Variants in CIP2A observed in about 807,000 individuals in gnomAD.
The protein encoded by CIP2A is cellular inhibitor of PP2A.
Under a neutral mutation model 110.9 loss-of-function variants are expected in CIP2A, and 103 were observed. The ratio of observed to expected loss-of-function variants is 0.93; its 90% CI spans 0.79 to 1.09. CIP2A has a LOEUF of 1.09. CIP2A is among the 50% of genes least tolerant of loss of function. CIP2A has a pLI of 0.00. For synonymous variants in CIP2A, 381 were observed against 361.6 expected (o/e 1.05, Z -0.61); for missense variants, 1,088 against 1,038.4 (o/e 1.05, Z -0.66).
At position 108,575,475 on chromosome 3, in the gene CIP2A, TAC is replaced by T. The variant is rs745963196; in HGVS notation, c.894+794_894+795del. 1.5e-3 allele frequency among the ~76,000 whole-genome samples: 218 copies of T among 149,636 alleles called. 6 individuals carry two copies. The highest frequency in any genetic ancestry group is 7.5e-3 in the Middle Eastern group (2 of 268). ...ATACATGTATACATGTGAGTATATA[TAC>T]ACATATATGCACACATATGTATATA... On this transcript the variant is annotated intron_variant, in intron 8 of 20. Coordinates refer to ENST00000295746, the MANE Select transcript of CIP2A (RefSeq NM_020890.3).
Position 108,557,370 on chromosome 3 carries a change from AT to A in CIP2A, c.2057del (p.Asn686MetfsTer8). On this transcript the variant is annotated frameshift_variant, in exon 17 of 21. Transcript: ENST00000295746. LOFTEE classifies it high-confidence loss of function. ...ASMLREVERK[N>X]EELSVLLKAQ... ...CCTTCAGCAACACACTAAGCTCTTC[AT>A]TTTTTCTCTCAACTTCTCTCAACAT... 1 of 1,607,300 alleles carries A rather than the reference AT, an allele frequency of 6.2e-7. No homozygotes were observed.
rs550644081 is a variant in CIP2A, at chr3:108,589,350, G to A, written c.26C>T (p.Ser9Phe). 9.3e-6 allele frequency: 15 copies of A among 1,613,840 alleles called. No individual in the cohort carries two copies. The highest frequency in any genetic ancestry group is 6.7e-5 in the African/African-American group (5 of 75,066). MDSTACLK[S>F]LLLTVSQYKA... is the part of the protein sequence containing the mutation. ...GTACTGACTGACAGTCAGGAGCAAG[G>A]ACTTCAAGCAGGCAGTGGAGTCCAT... is the stretch of plus-strand genomic sequence containing the variant. The change falls in exon 1 of 21, where the codon TCC becomes TTC. Residue 9 changes from serine to phenylalanine, a missense_variant. Ser to Phe is a radical substitution (Grantham distance 155). Coordinates refer to ENST00000295746, the MANE Select transcript of CIP2A (RefSeq NM_020890.3).
rs371782012 is a variant in CIP2A, at chr3:108,560,786, T to C, written c.1690A>G (p.Ile564Val). ...NAYRQQETEH[I>V]PRKMPWQSSN... is the part of the protein sequence containing the mutation. ...GATTGCCAGGGCATTTTTCTGGGTATATGTTCTGTTTCCTGTTGTCTATAG... is the reference window on the plus strand; with the variant it reads ...GATTGCCAGGGCATTTTTCTGGGTACATGTTCTGTTTCCTGTTGTCTATAG... Residue 564 changes from isoleucine to valine, a missense_variant, in exon 14 of 21, where the codon ATA becomes GTA. Ile to Val is a conservative substitution (Grantham distance 29, BLOSUM62 3). Coordinates refer to ENST00000295746, the MANE Select transcript of CIP2A (RefSeq NM_020890.3). 4.3e-6 allele frequency: 7 copies of C among 1,613,034 alleles called. No homozygotes were observed. The highest frequency in any genetic ancestry group is 5.9e-6 in the Non-Finnish European group (7 of 1,179,466).
At chr3:108,575,562 GTGTATA>G (rs1404166645) in intron 8 of CIP2A, among the ~76,000 whole-genome samples, 4 of 88,654 alleles carry the variant, frequency 4.5e-5, no homozygotes, top group African/African-American at 2.2e-4. Context: ...GTATATATAC[GTGTATA>G]TATACTCATA....
At chr3:108,577,148 T>G (rs766951818) in intron 7 of CIP2A, among the ~76,000 whole-genome samples, 2 of 152,194 alleles carry the variant, frequency 1.3e-5, no homozygotes, top group Non-Finnish European at 2.9e-5. Flanking sequence ...GAAGTTCTAT[T>G]TATTGTCTGA....
chr3:108,561,139 A>T (rs1167025836), intron 13 of CIP2A, among the ~76,000 whole-genome samples: 1 of 152,158 alleles, frequency 6.6e-6, no homozygotes, highest in African/African-American at 2.4e-5. Context: ...GGTACTGGTC[A>T]GAATAATGTT....
chr3:108,569,622 G>T lies in CIP2A; in HGVS notation c.895-15C>A, dbSNP rs1361477107. 6.3e-7 allele frequency: 1 copy of T among 1,592,314 alleles called. No individual in the cohort carries two copies. Among genetic ancestry groups the T allele is most frequent in the South Asian group, 1.1e-5 (1 of 90,066 alleles). On this transcript the variant is annotated splice_polypyrimidine_tract_variant and intron_variant, in intron 8 of 20. Transcript: ENST00000295746. ...AATTCTAAAACCTGTGCAATATAAA[G>T]TGTTCATTAAACATCAATTTCACAG...
At chr3:108,553,000 A>C (rs1937628990) in intron 19 of CIP2A, among the ~76,000 whole-genome samples, 1 of 152,040 alleles carries the variant, frequency 6.6e-6, no homozygotes, top group South Asian at 2.1e-4. Flanking sequence ...TCCATACCCC[A>C]AACATCCGTG....
chr3:108,553,676 C>T lies in CIP2A; in HGVS notation c.2379G>A (p.Gln793=), dbSNP rs1422594827. Residue 793 remains glutamine (Q), a synonymous_variant, in exon 19 of 21, where the codon CAG becomes CAA. Transcript: ENST00000295746. ...KEEQRKEVQN[Q]LVDREHKLAN... ...CTAGCTTATGTTCTCTGTCTACTAG[C>T]TGATTCTGTACTTCTTTTCTCTGTT... 1 of 1,524,732 alleles carries T rather than the reference C, an allele frequency of 6.6e-7. No individual in the cohort carries two copies. Among genetic ancestry groups the T allele is most frequent in the South Asian group, 1.1e-5 (1 of 89,112 alleles). The allele number at this position is 1,524,732 out of a possible 1,614,324, so 94.5% of individuals were successfully genotyped here. A position where few individuals can be genotyped will look rare whatever the true frequency, so the allele number is the denominator to read the frequency against.
chr3:108,580,039 C>G (rs1407056483), intron 5 of CIP2A, among the ~76,000 whole-genome samples: 1 of 152,118 alleles, frequency 6.6e-6, no homozygotes, highest in East Asian at 1.9e-4. Context: ...AGAGTGGAAA[C>G]AAAAGAGCTA....
Position 108,582,156 on chromosome 3 carries a change from T to C in CIP2A, c.404A>G (p.Tyr135Cys), listed in dbSNP as rs148277620. The C allele has an allele frequency of 6.8e-5, 103 of 1,506,358 alleles. 1 individual carries two copies. In the African/African-American group the frequency reaches 1.3e-3, roughly 19 times the overall value. 93.3% of individuals were successfully genotyped at this position (1,506,358 alleles called of 1,614,324 possible). A position where few individuals can be genotyped will look rare whatever the true frequency, so the allele number is the denominator to read the frequency against. Residue 135 changes from tyrosine (Y) to cysteine (C), a missense_variant, in exon 4 of 21, where the codon TAT (tyrosine) becomes TGT (cysteine). Transcript: ENST00000295746. ...TAATTCATCTATATTGGCACCAGAATAGAAAATTTTGACATTATATGTTAA... is the reference window on the plus strand; with the variant it reads ...TAATTCATCTATATTGGCACCAGAACAGAAAATTTTGACATTATATGTTAA... ...QKLTYNVKIFYSGANIDELIT... is the reference protein window; with the variant it reads ...QKLTYNVKIFCSGANIDELIT...
At chr3:108,586,399 C>T (rs1400170476) in intron 1 of CIP2A, among the ~76,000 whole-genome samples, 2 of 152,144 alleles carry the variant, frequency 1.3e-5, no homozygotes, top group East Asian at 3.8e-4. Flanking sequence ...AAGACACTTG[C>T]TGTTTTAAAA....
intron 11 of CIP2A, among the ~76,000 whole-genome samples, chr3:108,565,885 A>T (rs1157981691): frequency 6.6e-6 from 1 of 151,846 alleles, no homozygotes; most frequent in African/African-American, 2.4e-5. Context: ...ATATAAAAAC[A>T]GATAATTCTT....
chr3:108,566,344 T>G (rs887986459), intron 11 of CIP2A, among the ~76,000 whole-genome samples, 153 bp downstream of exon 11: 3 of 151,794 alleles, frequency 2.0e-5, no homozygotes, highest in Non-Finnish European at 4.4e-5. Flanking sequence ...ACAAATTGAA[T>G]GAATTTACAA....
chr3:108,571,345 A>G (rs1276866168), intron 8 of CIP2A, among the ~76,000 whole-genome samples: 2 of 152,188 alleles, frequency 1.3e-5, no homozygotes, highest in African/African-American at 4.8e-5. Context: ...TTACACCAGC[A>G]TCACCACAAA....
intron 7 of CIP2A, among the ~76,000 whole-genome samples, chr3:108,577,800 G>A (rs1350620482): frequency 1.3e-5 from 2 of 152,154 alleles, no homozygotes; most frequent in Admixed American, 6.5e-5. Context: ...TTGGGAGGCT[G>A]AGGCATGAGA....
intron 1 of CIP2A, among the ~76,000 whole-genome samples, chr3:108,588,725 T>A (rs1939184173): frequency 6.6e-6 from 1 of 152,154 alleles, no homozygotes; most frequent in South Asian, 2.1e-4. Flanking sequence ...AATTCAGCAT[T>A]CTAAGATTAA....
Position 108,583,000 on chromosome 3 carries a change from G to C in CIP2A, c.334C>G (p.His112Asp), listed in dbSNP as rs1280318938. Residue 112 changes from histidine (H) to aspartate (D), a missense_variant, in exon 3 of 21, where the codon CAC becomes GAC. Coordinates refer to ENST00000295746, the MANE Select transcript of CIP2A (RefSeq NM_020890.3). ...VLAGVVCRSS[H>D]TDSVFLQCIQ... ...ACCTGCAAAAACACCGAATCAGTGT[G>C]GCTGCTCCGACAAACCACTCCCGCC... The C allele has an allele frequency of 6.2e-6, 10 of 1,610,074 alleles. No individual in the cohort carries two copies. The highest frequency in any genetic ancestry group is 7.6e-6 in the Non-Finnish European group (9 of 1,177,868).
chr3:108,580,200 C>A lies in CIP2A; in HGVS notation c.550-512G>T, dbSNP rs760187050. 1.3e-4 allele frequency among the ~76,000 whole-genome samples: 20 copies of A among 152,014 alleles called. 1 individual carries two copies. Among genetic ancestry groups the A allele is most frequent in the Non-Finnish European group, 2.6e-4 (18 of 67,990 alleles). On this transcript the variant is annotated intron_variant, in intron 5 of 20. Transcript: ENST00000295746. ...TAAGAATTTGTTTTACGTTACACAC[C>A]GTGGAGCAGCAATTAACTTTGCCAT...
Sources: gnomAD v4.1 joint callset for allele counts (sites outside exome capture counted in the v4.1 genomes callset) on GRCh38, gnomAD v4.1.1 for gene constraint, MANE v1.5 for transcripts, NCBI Gene and HGNC (gene_info 2026-07-23, HGNC 2026-07-21) for gene names.